The following PPP6R1 variants were observed in gnomAD, a reference collection of about 807,000 sequenced individuals.
PPP6R1 encodes serine/threonine-protein phosphatase 6 regulatory subunit 1.
In PPP6R1, 39 loss-of-function variants were observed where a neutral mutation model predicts 104.6. The observed-to-expected ratio is 0.37, with a 90% CI of 0.29 to 0.49. The LOEUF is 0.49. Ranked by LOEUF, PPP6R1 falls within the 20% of genes least tolerant of loss-of-function variation. The pLI is 0.98. For missense variants in PPP6R1, 1,181 were observed against 1,155.8 expected (o/e 1.02, Z -0.32); for synonymous variants, 549 against 479.0 (o/e 1.15, Z -1.91).
At position 55,245,478 on chromosome 19, in the gene PPP6R1, G is replaced by T. The variant is rs1456185616; in HGVS notation, c.414+14C>A. On this transcript the variant is annotated intron_variant, in intron 3 of 23. Coordinates refer to ENST00000412770, the MANE Select transcript of PPP6R1 (RefSeq NM_014931.4). This position sits in a 1 kb window ranked among gnomAD's most constrained non-coding sequence, Gnocchi z 6.4. ...CCTCAACCCACGGTGGCGCCAGGGT[G>T]GGGGCCAGGGCACCTGGTCTGTCTT... 1.2e-6 allele frequency: 2 copies of T among 1,609,724 alleles called. No individual in the cohort carries two copies. Among genetic ancestry groups the T allele is most frequent in the South Asian group, 2.2e-5 (2 of 90,334 alleles).
rs2087460010 is a variant in PPP6R1, at chr19:55,241,742, G to A, written c.846-103C>T. 9 of 1,331,368 alleles carry A rather than the reference G, an allele frequency of 6.8e-6. No homozygotes were observed. The highest frequency in any genetic ancestry group is 9.1e-6 in the Non-Finnish European group (9 of 991,862). 82.5% of individuals were successfully genotyped at this position (1,331,368 alleles called of 1,614,324 possible). A position where few individuals can be genotyped will look rare whatever the true frequency, so the allele number is the denominator to read the frequency against. On this transcript the variant is annotated intron_variant, in intron 7 of 23. Transcript: ENST00000412770. This position sits in a 1 kb window ranked among gnomAD's most constrained non-coding sequence, Gnocchi z 5.4. ...GTCTGCAGGGTCTGGAGGAAAACGA[G>A]GAGCCACATGCCCCCAGCGCCGCTC...
At chr19:55,256,831 C>T (rs1389765695) in intron 1 of PPP6R1, among the ~76,000 whole-genome samples, 1 of 152,172 alleles carries the variant, frequency 6.6e-6, no homozygotes, top group East Asian at 1.9e-4. Flanking sequence ...TCATCAACAT[C>T]AAAACAGCTA....
At chr19:55,247,303 G>A (rs2087518232) in intron 1 of PPP6R1, 194 bp from the exon 2 acceptor site, 1 of 605,798 alleles carries the variant, frequency 1.7e-6, no homozygotes, top group African/African-American at 1.9e-5. Flanking sequence ...TCAGGCTTAA[G>A]GCTCCCAGTG....
chr19:55,229,045 A>G, downstream of PPP6R1: 1 of 333,976 alleles, frequency 3.0e-6, no homozygotes, highest in Non-Finnish European at 5.8e-6. Flanking sequence ...CAACAATCAG[A>G]AGAGATGGGG....
At chr19:55,247,308 C>T (rs1382239030) in intron 1 of PPP6R1, 199 bp from the exon 2 acceptor site, 2 of 592,816 alleles carry the variant, frequency 3.4e-6, no homozygotes, top group Non-Finnish European at 6.0e-6. Flanking sequence ...CTTAAGGCTC[C>T]CAGTGAGCAC....
rs1442974385 is a variant in PPP6R1, at chr19:55,245,724, G to A, written c.228-46C>T. The A allele has an allele frequency of 1.4e-6, 2 of 1,455,214 alleles. No homozygotes were observed. The highest frequency in any genetic ancestry group is 2.3e-5 in the East Asian group (1 of 42,944). 90.1% of individuals were successfully genotyped at this position (1,455,214 alleles called of 1,614,324 possible). A position where few individuals can be genotyped will look rare whatever the true frequency, so the allele number is the denominator to read the frequency against. On this transcript the variant is annotated intron_variant, in intron 2 of 23. Coordinates refer to ENST00000412770, the MANE Select transcript of PPP6R1 (RefSeq NM_014931.4). This position sits in a 1 kb window ranked among gnomAD's most constrained non-coding sequence, Gnocchi z 6.4. ...GGTGGGGGCTCGGGTCGGAGGCCGGGGGCAGGGGGCGGCAAGGCTCCACCC... is the reference window on the plus strand; with the variant it reads ...GGTGGGGGCTCGGGTCGGAGGCCGGAGGCAGGGGGCGGCAAGGCTCCACCC...
In PPP6R1 at chr19:55,230,883, C is replaced by T; in HGVS notation, c.2461G>A (p.Ala821Thr). ...IRSAPSSSDS[A>T]TRDPSTSVPA... is the part of the protein sequence containing the mutation. ...ACAGAGGTAGAGGGGTCTCTGGTTG[C>T]ACTGTGGGTGAGAGGCAGGTGCGGC... The change falls in exon 22 of 24, where the codon GCA becomes ACA. Residue 821 changes from alanine to threonine, a missense_variant and splice_region_variant. Transcript: ENST00000412770. 6.2e-7 allele frequency: 1 copy of T among 1,603,328 alleles called. No individual in the cohort carries two copies. The highest frequency in any genetic ancestry group is 1.1e-5 in the South Asian group (1 of 90,814).
At chr19:55,228,442 G>C (rs184783840), downstream of PPP6R1, 155 of 1,610,382 alleles carry the variant, frequency 9.6e-5, no homozygotes, top group African/African-American at 2.0e-3. Context: ...TGGGCGCTTT[G>C]GGGAGTGGGG....
At chr19:55,234,674 C>T (rs567350197) in intron 17 of PPP6R1, among the ~76,000 whole-genome samples, 104 of 151,938 alleles carry the variant, frequency 6.8e-4, no homozygotes, top group Non-Finnish European at 1.2e-3. Context: ...CTCACAGCAG[C>T]GAGCAACAGG....
downstream of PPP6R1, chr19:55,228,582 G>A: frequency 6.6e-7 from 1 of 1,522,658 alleles, no homozygotes; most frequent in Non-Finnish European, 8.9e-7. Context: ...CCAGAACCCA[G>A]CTTCCCAGGG....
At chr19:55,240,444 A>C in intron 10 of PPP6R1, 144 bp from the exon 11 acceptor site, 1 of 763,160 alleles carries the variant, frequency 1.3e-6, no homozygotes, top group East Asian at 3.1e-5. Flanking sequence ...GGAGGGATGC[A>C]AGCTGGGGCT....
At chr19:55,231,017 G>A (rs2087339856) in intron 21 of PPP6R1, 133 bp from the exon 22 acceptor site, 7 of 762,012 alleles carry the variant, frequency 9.2e-6, no homozygotes, top group Middle Eastern at 7.3e-4. Flanking sequence ...GGGGCCTCCC[G>A]AGGACGCAGC....
In PPP6R1 at chr19:55,231,597, C is replaced by A; in HGVS notation, c.2377+1G>T. 1 of 1,610,406 alleles carries A rather than the reference C, an allele frequency of 6.2e-7. No homozygotes were observed. The highest frequency in any genetic ancestry group is 1.7e-5 in the Admixed American group (1 of 59,510). On this transcript the variant is annotated splice_donor_variant, in intron 20 of 23. Transcript: ENST00000412770. LOFTEE classifies it high-confidence loss of function. ...GGTGGGCAGGGCAAAGCGGGGCTCA[C>A]CTGAGGGCTCCGTGACTTTGCTGCC...
In PPP6R1 at chr19:55,231,452, G is replaced by A. The variant is rs755343877; in HGVS notation, c.2417C>T (p.Ala806Val). The stretch of plus-strand genomic sequence containing the variant: ...GGCAGAACGGATCCCGTGGAAGGTG[G>A]CCTGAAGGTCCCCGATGCTAACCAA... ...QALVSIGDLQ[A>V]TFHGIRSAPS... The change falls in exon 21 of 24, where the codon GCC becomes GTC. Residue 806 changes from alanine (A) to valine (V), a missense_variant. Physicochemically the swap from Ala to Val is moderately conservative, Grantham distance 64 (BLOSUM62 0). This residue lies in a region of PPP6R1 where 1,042 missense variants were observed against 955.6 expected (regional missense o/e 1.09). Transcript: ENST00000412770. The A allele has an allele frequency of 1.0e-5, 16 of 1,607,904 alleles. No individual in the cohort carries two copies. The highest frequency in any genetic ancestry group is 1.4e-5 in the Non-Finnish European group (16 of 1,177,650).
intron 15 of PPP6R1, 53 bp from the exon 16 acceptor site, chr19:55,237,023 C>A: frequency 6.6e-7 from 1 of 1,518,066 alleles, no homozygotes; most frequent in Admixed American, 1.7e-5. Context: ...GTGGGGGCAG[C>A]ACAGGACAGG....
Position 55,245,809 on chromosome 19 carries a change from G to T in PPP6R1, c.228-131C>A, listed in dbSNP as rs2087503382. ...TGCAGAGACCCCTGTCCAGGAAGGG[G>T]AAAGGGCAGAGGACAGGGTGACGCA... On this transcript the variant is annotated intron_variant, in intron 2 of 23. Coordinates refer to ENST00000412770, the MANE Select transcript of PPP6R1 (RefSeq NM_014931.4). The surrounding 1 kb of genome is among the most constrained non-coding windows in gnomAD (Gnocchi z 6.4). 2.6e-6 allele frequency: 2 copies of T among 763,340 alleles called. No individual in the cohort carries two copies. The highest frequency in any genetic ancestry group is 4.2e-6 in the Non-Finnish European group (2 of 475,036). 47.3% of individuals were successfully genotyped at this position (763,340 alleles called of 1,614,324 possible).
downstream of PPP6R1, chr19:55,228,310 A>C (rs775036698): frequency 2.5e-6 from 4 of 1,613,696 alleles, no homozygotes; most frequent in Admixed American, 6.7e-5. Flanking sequence ...GAACCCAGCC[A>C]GGCAGAGGAC....
intron 21 of PPP6R1, 38 bp from the exon 22 acceptor site, chr19:55,230,922 C>G: frequency 6.7e-7 from 1 of 1,489,188 alleles, no homozygotes; most frequent in East Asian, 2.3e-5. Context: ...CAGCGTGGCC[C>G]CCACCGTCAC....
At position 55,230,549 on chromosome 19, in the gene PPP6R1, T is replaced by G. The variant is rs531118984; in HGVS notation, c.2643-18A>C. ...GCAGCTATCTGGAAACAGAGGGAGA[T>G]GTCGTGTGAGGGTCTAGCAGGCCCA... On this transcript the variant is annotated intron_variant, in intron 23 of 23. Coordinates refer to ENST00000412770, the MANE Select transcript of PPP6R1 (RefSeq NM_014931.4). The G allele has an allele frequency of 6.2e-7, 1 of 1,613,442 alleles. No homozygotes were observed. Among genetic ancestry groups the G allele is most frequent in the East Asian group, 2.2e-5 (1 of 44,852 alleles).
Sources: gnomAD v4.1 joint callset for allele counts (sites outside exome capture counted in the v4.1 genomes callset) on GRCh38, gnomAD v4.1.1 for gene constraint, gnomAD v4.1.1 regional missense constraint, Gnocchi (gnomAD v3.1) non-coding constraint, MANE v1.5 for transcripts, NCBI Gene and HGNC (gene_info 2026-07-23, HGNC 2026-07-21) for gene names.